Variants in WFDC3 observed in about 807,000 individuals in gnomAD.
WFDC3 encodes the protein WAP four-disulfide core domain protein 3.
Under a neutral mutation model 25.8 loss-of-function variants are expected in WFDC3, and 15 were observed. That is an observed-to-expected ratio of 0.58 (90% CI 0.39 to 0.89). The LOEUF (loss-of-function observed/expected upper bound fraction) is 0.89, where lower values mean the gene tolerates loss of function less well. Among genes scored for constraint, WFDC3 ranks in the 40% least tolerant of loss-of-function variants. WFDC3 has a pLI of 0.00. For missense variants in WFDC3, 264 were observed against 289.8 expected, an observed-to-expected ratio of 0.91 and a Z score of 0.65; for synonymous variants, 103 against 107.1, an observed-to-expected ratio of 0.96 and a Z score of 0.24.
Position 45,786,623 on chromosome 20 carries a change from C to T in WFDC3, c.358+1213G>A, listed in dbSNP as rs575558696. ...CCGTCACTGGATCTCGCAAACAGTA[C>T]ACATTCAATAAATACTTGTTGAAGA... On this transcript the variant is annotated intron_variant, in intron 4 of 6. Coordinates refer to ENST00000243938, the MANE Select transcript of WFDC3 (RefSeq NM_080614.2). 2.1e-3 allele frequency among the ~76,000 whole-genome samples: 320 copies of T among 152,226 alleles called. 1 individual carries two copies. The highest frequency in any genetic ancestry group is 7.5e-3 in the African/African-American group (311 of 41,542).
At chr20:45,781,225 G>T (rs757673043) in intron 4 of WFDC3, among the ~76,000 whole-genome samples, 1 of 151,956 alleles carries the variant, frequency 6.6e-6, no homozygotes, top group South Asian at 2.1e-4. Context: ...CTCCATCCTG[G>T]GTGACAGAGC....
At chr20:45,782,026 T>C (rs1028640159) in intron 4 of WFDC3, among the ~76,000 whole-genome samples, 4 of 152,060 alleles carry the variant, frequency 2.6e-5, no homozygotes, top group Admixed American at 6.6e-5. Flanking sequence ...AGATAATACA[T>C]ATATGTTAAT....
intron 3 of WFDC3, 175 bp downstream of exon 3, chr20:45,788,756 A>C (rs990024239): frequency 2.4e-6 from 2 of 817,260 alleles, no homozygotes; most frequent in African/African-American, 3.5e-5. Flanking sequence ...GAAGGCAAAC[A>C]ACTGGGGGCA....
At chr20:45,789,779 G>A (rs1486209657) in intron 2 of WFDC3, 115 bp downstream of exon 2, 2 of 864,290 alleles carry the variant, frequency 2.3e-6, no homozygotes, top group Admixed American at 4.1e-5. Context: ...GTCCTATAGA[G>A]ATGATCATCT....
At chr20:45,781,814 ACT>A (rs1210135182) in intron 4 of WFDC3, among the ~76,000 whole-genome samples, 2 of 151,954 alleles carry the variant, frequency 1.3e-5, no homozygotes, top group African/African-American at 4.8e-5. Context: ...ACAGTGAACC[ACT>A]CTTATCAGTT....
intron 4 of WFDC3, among the ~76,000 whole-genome samples, chr20:45,787,093 CAAAAAAAAAAA>C (rs71181858): frequency 7.5e-5 from 2 of 26,818 alleles, no homozygotes; most frequent in Admixed American, 5.5e-4. Context: ...GACTCTCTCT[CAAAAAAAAAAA>C]AAAAAAAAAA....
At position 45,774,611 on chromosome 20, in the gene WFDC3, T is replaced by C. The variant is rs1303355666; in HGVS notation, c.680-167A>G. The stretch of plus-strand genomic sequence containing the variant: ...TCCAAACTGGCACTGAAGGCTCTTA[T>C]TATTCAGATGTCAACCTTGTATCTC... On this transcript the variant is annotated intron_variant, in intron 6 of 6. Transcript: ENST00000243938. Among the ~76,000 whole-genome samples the C allele has an allele frequency of 2.0e-5, 3 of 152,216 alleles. No individual in the cohort carries two copies. The East Asian group carries it at 5.8e-4, about 29-fold the overall frequency.
chr20:45,782,173 G>T (rs1980475056), intron 4 of WFDC3, among the ~76,000 whole-genome samples: 1 of 152,088 alleles, frequency 6.6e-6, no homozygotes, highest in Admixed American at 6.6e-5. Flanking sequence ...CCCCCAGGTT[G>T]TCCCTGTCTC....
chr20:45,779,303 G>A (rs1326318491), intron 4 of WFDC3, among the ~76,000 whole-genome samples: 1 of 152,222 alleles, frequency 6.6e-6, no homozygotes, highest in Non-Finnish European at 1.5e-5. Flanking sequence ...AGCAAGACTG[G>A]CCCAGTGCCT....
intron 3 of WFDC3, 55 bp from the exon 4 acceptor site, chr20:45,788,037 C>G: frequency 6.4e-7 from 1 of 1,574,546 alleles, no homozygotes; most frequent in Non-Finnish European, 8.6e-7. Flanking sequence ...AGCGCCATGG[C>G]TCACACCTGT....
chr20:45,776,660 A>ATATATATATATATGTGTGTGTGTG (rs762240715), intron 5 of WFDC3, among the ~76,000 whole-genome samples: 1 of 93,302 alleles, frequency 1.1e-5, no homozygotes, highest in East Asian at 3.0e-4. Context: ...ATATATATAT[A>ATATATATATATATGTGTGTGTGTG]TGTGTGTGTG....
At position 45,775,397 on chromosome 20, in the gene WFDC3, T is replaced by G. The variant is rs1178993877; in HGVS notation, c.679+20A>C. On this transcript the variant is annotated intron_variant, in intron 6 of 6. Coordinates refer to ENST00000243938, the MANE Select transcript of WFDC3 (RefSeq NM_080614.2). ...CATAGCAGTTGTCTGTTATTGTTGA[T>G]GACAATGGACTGTACTCACCTAATT... 1 of 1,610,204 alleles carries G rather than the reference T, an allele frequency of 6.2e-7. No individual in the cohort carries two copies. The highest frequency in any genetic ancestry group is 1.7e-5 in the Admixed American group (1 of 59,868).
rs1568696907 is a variant in WFDC3, at chr20:45,775,594, CG to C, written c.501del (p.Gly168ValfsTer16). ...CCCACCAGAACTTTTGGACAATCAC[CG>C]CCCCGCCCTGTGGGAACAACAGGCA... is the stretch of plus-strand genomic sequence containing the variant. ...TCLGDIEGGR[G>X]GDCPKVLVGL... On this transcript the variant is annotated frameshift_variant, in exon 6 of 7. Coordinates refer to ENST00000243938, the MANE Select transcript of WFDC3 (RefSeq NM_080614.2). LOFTEE classifies it high-confidence loss of function. 1 of 1,614,118 alleles carries C rather than the reference CG, an allele frequency of 6.2e-7. No individual in the cohort carries two copies. The highest frequency in any genetic ancestry group is 2.2e-5 in the East Asian group (1 of 44,876).
At chr20:45,782,065 G>A (rs1029129185) in intron 4 of WFDC3, among the ~76,000 whole-genome samples, 1 of 152,154 alleles carries the variant, frequency 6.6e-6, no homozygotes, top group Non-Finnish European at 1.5e-5. Flanking sequence ...CAGGGGATCT[G>A]GAGTGGTCAG....
intron 3 of WFDC3, 182 bp downstream of exon 3, chr20:45,788,749 G>A: frequency 1.3e-6 from 1 of 743,334 alleles, no homozygotes; most frequent in Non-Finnish European, 2.0e-6. Context: ...CCTGATGGAA[G>A]GCAAACAACT....
Position 45,789,950 on chromosome 20 carries a change from A to T in WFDC3, c.26T>A (p.Leu9Gln). 6.2e-7 allele frequency: 1 copy of T among 1,614,166 alleles called. No individual in the cohort carries two copies. Among genetic ancestry groups the T allele is most frequent in the Non-Finnish European group, 8.5e-7 (1 of 1,180,012 alleles). The change falls in exon 2 of 7, where the codon CTG becomes CAG. Residue 9 changes from leucine (L) to glutamine (Q), a missense_variant. Leu to Gln is a moderately radical substitution (Grantham distance 113, BLOSUM62 -2). Coordinates refer to ENST00000243938, the MANE Select transcript of WFDC3 (RefSeq NM_080614.2). MMLSCLFL[L>Q]KALLALGSLE... Reference sequence around the variant, plus strand: ...AGACCCAAGAGCAAGAAGTGCCTTCAGAAGAAAGAGGCAGCTTAACATCAT... The same window carrying T: ...AGACCCAAGAGCAAGAAGTGCCTTCTGAAGAAAGAGGCAGCTTAACATCAT...
chr20:45,777,197 C>T lies in WFDC3; in HGVS notation c.371G>A (p.Gly124Asp), dbSNP rs375130619. 22 of 1,561,858 alleles carry T rather than the reference C, an allele frequency of 1.4e-5. No homozygotes were observed. In the African/African-American group the frequency reaches 2.9e-4, roughly 20 times the overall value. The change falls in exon 5 of 7, where the codon GGT (glycine) becomes GAT (aspartate). Residue 124 changes from glycine to aspartate, a missense_variant. Coordinates refer to ENST00000243938, the MANE Select transcript of WFDC3 (RefSeq NM_080614.2). ...ISKQKLAEFG[G>D]ECPADPLPCE... The stretch of plus-strand genomic sequence containing the variant: ...CGGAAGGGGGTCAGCGGGACATTCA[C>T]CACCAAACTCTGCTACATAATCAAA...
intron 4 of WFDC3, among the ~76,000 whole-genome samples, chr20:45,779,617 C>A (rs1191475206): frequency 1.3e-5 from 2 of 152,124 alleles, no homozygotes; most frequent in Non-Finnish European, 2.9e-5. Flanking sequence ...TAACAAGGAA[C>A]AAAAGCCTTC....
chr20:45,775,565 C>A lies in WFDC3; in HGVS notation c.531G>T (p.Leu177=), dbSNP rs778232640. 1 of 1,614,218 alleles carries A rather than the reference C, an allele frequency of 6.2e-7. No individual in the cohort carries two copies. The highest frequency in any genetic ancestry group is 8.5e-7 in the Non-Finnish European group (1 of 1,180,044). ...CATCCATCACACAGCCAACAATGCA[C>A]AGGCCCACCAGAACTTTTGGACAAT... ...GGDCPKVLVG[L]CIVGCVMDEN... Residue 177 remains leucine, a synonymous_variant, in exon 6 of 7, where the codon CTG becomes CTT. Coordinates refer to ENST00000243938, the MANE Select transcript of WFDC3 (RefSeq NM_080614.2).
Sources: gnomAD v4.1 joint callset for allele counts (sites outside exome capture counted in the v4.1 genomes callset) on GRCh38, gnomAD v4.1.1 for gene constraint, MANE v1.5 for transcripts, NCBI Gene and HGNC (gene_info 2026-07-23, HGNC 2026-07-21) for gene names.